Variants in VTI1A observed in about 807,000 individuals in gnomAD.
VTI1A encodes the protein vesicle transport through interaction with t-SNAREs 1A, also known as vesicle transport through interaction with t-SNAREs homolog 1A.
In VTI1A, 22 loss-of-function variants were observed where a neutral mutation model predicts 34.9. That is an observed-to-expected ratio of 0.63 (90% CI 0.45 to 0.90). VTI1A has a LOEUF of 0.90. Ranked by LOEUF, VTI1A falls within the 40% of genes least tolerant of loss-of-function variation. VTI1A has a pLI of 0.00. For missense variants in VTI1A, 268 were observed against 275.6 expected, an observed-to-expected ratio of 0.97 and a Z score of 0.20; for synonymous variants, 87 against 97.3, an observed-to-expected ratio of 0.89 and a Z score of 0.62.
intron 2 of VTI1A, among the ~76,000 whole-genome samples, chr10:112,463,818 A>G (rs1273377348): frequency 6.6e-6 from 1 of 152,192 alleles, no homozygotes; most frequent in African/African-American, 2.4e-5. Flanking sequence ...ATCACCAAAT[A>G]AGGCTTGGCT....
At chr10:112,851,075 TAAG>T in the VTI1A span, among the ~76,000 whole-genome samples, 8 of 152,224 alleles carry the variant, frequency 5.3e-5, no homozygotes, top group Non-Finnish European at 8.8e-5. Flanking sequence ...AGATTGGCTT[TAAG>T]ATGAAGGCCT....
intron 7 of VTI1A, among the ~76,000 whole-genome samples, chr10:112,736,111 G>GTATGTATATATATATATA (rs1554953491): frequency 8.6e-6 from 1 of 116,224 alleles, no homozygotes; most frequent in African/African-American, 3.7e-5. Context: ...ATGTGTGTGT[G>GTATGTATATATATATATA]TATATATATA....
intron 1 of VTI1A, among the ~76,000 whole-genome samples, chr10:112,451,536 T>C (rs1289933398): frequency 6.6e-6 from 1 of 152,192 alleles, no homozygotes; most frequent in East Asian, 1.9e-4. Flanking sequence ...ATTAGGGCCT[T>C]TTGGATATGA....
At chr10:112,565,852 T>C (rs1851889141) in intron 5 of VTI1A, among the ~76,000 whole-genome samples, 1 of 152,196 alleles carries the variant, frequency 6.6e-6, no homozygotes, top group Non-Finnish European at 1.5e-5. Flanking sequence ...TAATTTTCAA[T>C]GTAATACTTT....
At chr10:112,455,272 TCCTCCCCTCCCCTC>T (rs1847440087) in intron 1 of VTI1A, among the ~76,000 whole-genome samples, 1 of 860 alleles carries the variant, frequency 1.2e-3, no homozygotes, top group African/African-American at 7.7e-3. Flanking sequence ...TCCCCTCCCC[TCCTCCCCTCCCCTC>T]CCCCTCCCCT....
At chr10:112,742,292 T>C (rs1353434081) in intron 7 of VTI1A, among the ~76,000 whole-genome samples, 2 of 152,234 alleles carry the variant, frequency 1.3e-5, no homozygotes, top group African/African-American at 2.4e-5. Context: ...TGCACACTTA[T>C]AAATGAATTG....
intron 1 of VTI1A, among the ~76,000 whole-genome samples, chr10:112,453,135 C>G (rs898402142): frequency 5.9e-5 from 9 of 152,140 alleles, no homozygotes; most frequent in African/African-American, 2.2e-4. Flanking sequence ...AAGGTTCCCT[C>G]AACTGGGATT....
chr10:112,566,456 A>T (rs994632106), intron 5 of VTI1A, among the ~76,000 whole-genome samples: 1 of 152,216 alleles, frequency 6.6e-6, no homozygotes, highest in Non-Finnish European at 1.5e-5. Flanking sequence ...AAAAAATTTG[A>T]CTTGTACATT....
intron 5 of VTI1A, among the ~76,000 whole-genome samples, chr10:112,664,954 G>T (rs905161989): frequency 6.6e-6 from 1 of 151,980 alleles, no homozygotes; most frequent in Admixed American, 6.6e-5. Flanking sequence ...GAAGACCCTC[G>T]CAGTCAACAA....
the VTI1A span, among the ~76,000 whole-genome samples, chr10:112,829,643 A>G: frequency 1.3e-5 from 2 of 151,660 alleles, no homozygotes; most frequent in Non-Finnish European, 1.5e-5. Context: ...AGTCCTGGCT[A>G]CTCAGGAGGC....
intron 5 of VTI1A, among the ~76,000 whole-genome samples, chr10:112,595,084 G>T (rs879622319): frequency 6.8e-5 from 10 of 147,956 alleles, no homozygotes; most frequent in South Asian, 4.4e-4. Flanking sequence ...TTAATAAATG[G>T]TGCTGGGAAA....
chr10:112,514,450 T>C (rs946437710), intron 3 of VTI1A, among the ~76,000 whole-genome samples: 1 of 151,824 alleles, frequency 6.6e-6, no homozygotes, highest in Non-Finnish European at 1.5e-5. Context: ...TAATATCAAC[T>C]CTTGGTATCA....
intron 7 of VTI1A, among the ~76,000 whole-genome samples, chr10:112,764,020 A>G (rs976507282): frequency 3.9e-5 from 6 of 152,204 alleles, no homozygotes; most frequent in African/African-American, 1.4e-4. Context: ...GTGGAAGGAA[A>G]TATTTTAAAT....
chr10:112,763,001 C>A (rs1851522465), intron 7 of VTI1A, among the ~76,000 whole-genome samples: 1 of 152,184 alleles, frequency 6.6e-6, no homozygotes, highest in South Asian at 2.1e-4. Context: ...CAACCCCTAC[C>A]TTTTGGCACC....
At chr10:112,789,114 AC>A (rs1215742387) in intron 7 of VTI1A, among the ~76,000 whole-genome samples, 2 of 152,176 alleles carry the variant, frequency 1.3e-5, no homozygotes, top group East Asian at 3.8e-4. Context: ...ATATTTGCCT[AC>A]ATATTTACCA....
At chr10:112,501,856 G>T (rs1370393864) in intron 3 of VTI1A, among the ~76,000 whole-genome samples, 1 of 152,026 alleles carries the variant, frequency 6.6e-6, no homozygotes, top group Non-Finnish European at 1.5e-5. Context: ...CAGTTTGTAT[G>T]TGGGAACTTT....
At chr10:112,692,675 C>T (rs1848649479) in intron 7 of VTI1A, among the ~76,000 whole-genome samples, 2 of 152,122 alleles carry the variant, frequency 1.3e-5, no homozygotes, top group Admixed American at 6.6e-5. Context: ...AGAGTATTGC[C>T]CATGGTTTTA....
intron 5 of VTI1A, among the ~76,000 whole-genome samples, chr10:112,657,019 A>G (rs929921453): frequency 6.6e-6 from 1 of 152,092 alleles, no homozygotes; most frequent in Admixed American, 6.5e-5. Flanking sequence ...CCTGTAAGCC[A>G]TGCCCGCCCA....
Position 112,460,539 on chromosome 10 carries a change from T to G in VTI1A, c.110T>G (p.Met37Arg). The G allele has an allele frequency of 6.2e-7, 1 of 1,609,536 alleles. No individual in the cohort carries two copies. The highest frequency in any genetic ancestry group is 8.5e-7 in the Non-Finnish European group (1 of 1,178,190). The change falls in exon 2 of 8, where the codon ATG (methionine) becomes AGG (arginine). Residue 37 changes from methionine to arginine, a missense_variant. Physicochemically the swap from Met to Arg is moderately conservative, Grantham distance 91. Coordinates refer to ENST00000393077, the MANE Select transcript of VTI1A (RefSeq NM_145206.4). ...TTTGTTTCAGATGAAAAGAAACAGA[T>G]GGTTGCAAATGTGGAGAAACAGCTT... ...PRLPPDEKKQ[M>R]VANVEKQLEE...
Sources: allele counts gnomAD v4.1 joint callset (sites outside exome capture counted in the v4.1 genomes callset), GRCh38; gene constraint gnomAD v4.1.1; transcripts MANE v1.5; gene names NCBI Gene and HGNC (gene_info 2026-07-23, HGNC 2026-07-21).